BMP7: variants seen among roughly 807,000 people sequenced by gnomAD.
BMP7 encodes the protein bone morphogenetic protein 7.
A neutral mutation model predicts 41.2 loss-of-function variants in BMP7; 12 were observed. That is an observed-to-expected ratio of 0.29 (90% CI 0.19 to 0.47). BMP7 has a LOEUF of 0.47. BMP7 is among the 20% of genes least tolerant of loss of function. BMP7 has a pLI of 0.99. For synonymous variants in BMP7, 248 were observed against 250.0 expected, an observed-to-expected ratio of 0.99 and a Z score of 0.07; for missense variants, 467 against 606.0, an observed-to-expected ratio of 0.77 and a Z score of 2.41.
intron 2 of BMP7, among the ~76,000 whole-genome samples, chr20:57,211,201 G>A (rs1984873864): frequency 2.0e-5 from 3 of 152,240 alleles, no homozygotes; most frequent in Non-Finnish European, 4.4e-5. Flanking sequence ...AATGAGGTCA[G>A]TACAATCCGC....
chr20:57,254,503 A>G (rs530198449), intron 1 of BMP7, among the ~76,000 whole-genome samples: 1 of 152,228 alleles, frequency 6.6e-6, no homozygotes, highest in East Asian at 1.9e-4. Flanking sequence ...ACCCACAAAC[A>G]ATACATTTAT....
At chr20:57,193,803 C>G (rs1226802920) in intron 3 of BMP7, among the ~76,000 whole-genome samples, 1 of 152,200 alleles carries the variant, frequency 6.6e-6, no homozygotes, top group Non-Finnish European at 1.5e-5. Flanking sequence ...TTGCCAAAAC[C>G]AGCCCTTTGC....
rs370165408 is a variant in BMP7, at chr20:57,232,283, A to G, written c.419-3862T>C. 5.3e-5 allele frequency among the ~76,000 whole-genome samples: 8 copies of G among 152,342 alleles called. No individual in the cohort carries two copies. In the East Asian group the frequency reaches 1.3e-3, roughly 26 times the overall value. ...ACAGAAGCCATTTGCTGACAGGAGA[A>G]AGCCACAGGTGAGCCATTTGAGTCT... is the stretch of plus-strand genomic sequence containing the variant. On this transcript the variant is annotated intron_variant, in intron 1 of 6. Coordinates refer to ENST00000395863, the MANE Select transcript of BMP7 (RefSeq NM_001719.3).
intron 1 of BMP7, among the ~76,000 whole-genome samples, chr20:57,248,736 C>G (rs2066099757): frequency 6.6e-6 from 1 of 152,096 alleles, no homozygotes; most frequent in African/African-American, 2.4e-5. Context: ...TGTGCTGAAG[C>G]CATGCTAGGC....
Position 57,183,865 on chromosome 20 carries a change from T to C in BMP7, c.815A>G (p.Asn272Ser), listed in dbSNP as rs1314114436. The C allele has an allele frequency of 6.2e-7, 1 of 1,614,176 alleles. No homozygotes were observed. Among genetic ancestry groups the C allele is most frequent in the African/African-American group, 1.3e-5 (1 of 75,058 alleles). ...GAAAGCCACCATGAAGGGCTGCTTG[T>C]TCTGGGGCCCGTGCCGCCCAATCAG... is the stretch of plus-strand genomic sequence containing the variant. ...AGLIGRHGPQ[N>S]KQPFMVAFFK... The change falls in exon 4 of 7, where the codon AAC becomes AGC. Residue 272 changes from asparagine to serine, a missense_variant. Coordinates refer to ENST00000395863, the MANE Select transcript of BMP7 (RefSeq NM_001719.3).
At chr20:57,194,037 C>T (rs1383708132) in intron 3 of BMP7, among the ~76,000 whole-genome samples, 3 of 152,228 alleles carry the variant, frequency 2.0e-5, no homozygotes, top group African/African-American at 7.2e-5. Context: ...ACATTAGACC[C>T]TTTCCAGCAT....
At chr20:57,239,934 C>T (rs1323562253) in intron 1 of BMP7, among the ~76,000 whole-genome samples, 19 of 152,178 alleles carry the variant, frequency 1.2e-4, no homozygotes. Flanking sequence ...CTTTTTCCTC[C>T]TGGGCCTCCA....
At chr20:57,211,925 C>T (rs1226131392) in intron 2 of BMP7, among the ~76,000 whole-genome samples, 1 of 152,198 alleles carries the variant, frequency 6.6e-6, no homozygotes, top group Non-Finnish European at 1.5e-5. Context: ...TCTTAAGCCA[C>T]TAAGTTGGCG....
intron 1 of BMP7, among the ~76,000 whole-genome samples, chr20:57,252,780 G>A (rs75815220): frequency 9.7e-4 from 148 of 152,320 alleles, no homozygotes; most frequent in Middle Eastern, 3.4e-3. Context: ...GGGTCAGTGC[G>A]TTTGAGGCTA....
rs1008807672 is a variant in BMP7, at chr20:57,259,285, G to A, written c.418+6420C>T. On this transcript the variant is annotated intron_variant, in intron 1 of 6. Transcript: ENST00000395863. This position sits in a 1 kb window ranked among gnomAD's most constrained non-coding sequence, Gnocchi z 4.7. Reference sequence around the variant, plus strand: ...CTTGGCCAGGCAGCCCCAAGCATCAGCGAGGGCTGGAAGCCTTCACTGTGA... The same window carrying A: ...CTTGGCCAGGCAGCCCCAAGCATCAACGAGGGCTGGAAGCCTTCACTGTGA... Among the ~76,000 whole-genome samples the A allele has an allele frequency of 1.3e-5, 2 of 152,188 alleles. No homozygotes were observed. The highest frequency in any genetic ancestry group is 4.8e-5 in the African/African-American group (2 of 41,448).
chr20:57,173,666 A>C, intron 5 of BMP7: 3 of 354,804 alleles, frequency 8.5e-6, no homozygotes, highest in Non-Finnish European at 5.4e-6. Flanking sequence ...AAATGAAGGA[A>C]AGCCCCACGG....
intron 1 of BMP7, among the ~76,000 whole-genome samples, chr20:57,251,307 G>T (rs987515265): frequency 5.3e-5 from 8 of 152,194 alleles, no homozygotes; most frequent in Non-Finnish European, 1.2e-4. Context: ...TCGGGGAGGT[G>T]GGGGCAGAGC....
At position 57,202,582 on chromosome 20, in the gene BMP7, G is replaced by A. The variant is rs535901102; in HGVS notation, c.653C>T (p.Ala218Val). The stretch of plus-strand genomic sequence containing the variant: ...AAACACCAGCCAGCCCTCCTCCGAG[G>A]CCCAGAGGGTACGGCTGTCGAGCAG... ...LFLLDSRTLWASEEGWLVFDI... is the reference protein window; with the variant it reads ...LFLLDSRTLWVSEEGWLVFDI... The change falls in exon 3 of 7, where the codon GCC becomes GTC. Residue 218 changes from alanine (A) to valine (V), a missense_variant. Ala to Val is a moderately conservative substitution (Grantham distance 64, BLOSUM62 0). Transcript: ENST00000395863. The A allele has an allele frequency of 6.2e-7, 1 of 1,612,534 alleles. No individual in the cohort carries two copies. The highest frequency in any genetic ancestry group is 1.3e-5 in the African/African-American group (1 of 75,040).
In BMP7 at chr20:57,174,866, C is replaced by G. The variant is rs1051658305; in HGVS notation, c.1035+65G>C. 9.2e-6 allele frequency: 14 copies of G among 1,516,762 alleles called. No homozygotes were observed. Among genetic ancestry groups the G allele is most frequent in the Non-Finnish European group, 1.3e-5 (14 of 1,114,220 alleles). 94.0% of individuals were successfully genotyped at this position (1,516,762 alleles called of 1,614,324 possible). On this transcript the variant is annotated intron_variant, in intron 5 of 6. Coordinates refer to ENST00000395863, the MANE Select transcript of BMP7 (RefSeq NM_001719.3). The surrounding 1 kb of genome is among the most constrained non-coding windows in gnomAD (Gnocchi z 4.3). ...ATGAGAAACAAGACTGAGCACAGACCCGCTGCCTCGTGGGAGCCCACGCCA... is the reference window on the plus strand; with the variant it reads ...ATGAGAAACAAGACTGAGCACAGACGCGCTGCCTCGTGGGAGCCCACGCCA...
rs577912538 is a variant in BMP7, at chr20:57,215,365, T to C, written c.612-12742A>G. 1 of 152,404 alleles carries C rather than the reference T, an allele frequency of 6.6e-6. No individual in the cohort carries two copies. Among genetic ancestry groups the C allele is most frequent in the South Asian group, 2.1e-4 (1 of 4,826 alleles). The allele number at this position is 152,404 out of a possible 1,614,324, so 9.4% of individuals were successfully genotyped here. ...CAGGCAAAAATCAAGAGGACTCAGG[T>C]GGGCAGAAAGCAACAGCTGGGAAGA... On this transcript the variant is annotated intron_variant, in intron 2 of 6. Coordinates refer to ENST00000395863, the MANE Select transcript of BMP7 (RefSeq NM_001719.3). The surrounding 1 kb of genome is among the most constrained non-coding windows in gnomAD (Gnocchi z 4.2).
chr20:57,185,291 T>C (rs999556782), intron 3 of BMP7, among the ~76,000 whole-genome samples: 1 of 152,240 alleles, frequency 6.6e-6, no homozygotes, highest in Admixed American at 6.5e-5. Flanking sequence ...TGAAAGACGA[T>C]GTACAGGGAG....
chr20:57,184,756 C>A (rs375721722), intron 3 of BMP7, among the ~76,000 whole-genome samples: 1 of 152,142 alleles, frequency 6.6e-6, no homozygotes, highest in Non-Finnish European at 1.5e-5. Flanking sequence ...CACATAAAGA[C>A]ACAGATGCAG....
intron 2 of BMP7, among the ~76,000 whole-genome samples, chr20:57,209,293 A>ATGTAT (rs1276826754): frequency 7.0e-6 from 1 of 142,022 alleles, no homozygotes; most frequent in Non-Finnish European, 1.5e-5. Context: ...ATATGTATAT[A>ATGTAT]AATTAACCAG....
intron 1 of BMP7, among the ~76,000 whole-genome samples, chr20:57,231,611 A>T (rs1198257638): frequency 6.6e-6 from 1 of 152,204 alleles, no homozygotes; most frequent in East Asian, 1.9e-4. Flanking sequence ...TGTTCCAACC[A>T]TCTCTGTTCT....
Sources: allele counts gnomAD v4.1 joint callset (sites outside exome capture counted in the v4.1 genomes callset), GRCh38; gene constraint gnomAD v4.1.1; non-coding constraint Gnocchi (gnomAD v3.1); transcripts MANE v1.5; gene names NCBI Gene and HGNC (gene_info 2026-07-23, HGNC 2026-07-21).